PTPRT: variants seen among roughly 807,000 people sequenced by gnomAD.
PTPRT encodes the protein protein tyrosine phosphatase receptor type T, also known as receptor-type tyrosine-protein phosphatase T.
In PTPRT, 56 loss-of-function variants were observed where a neutral mutation model predicts 176.8. The observed-to-expected ratio is 0.32, with a 90% CI of 0.26 to 0.40. The LOEUF (loss-of-function observed/expected upper bound fraction) is 0.40. PTPRT is among the 10% of genes least tolerant of loss of function. The probability of loss-of-function intolerance (pLI) is 1.00; values close to 1 mark genes in which losing one functional copy is unlikely to be tolerated. For synonymous variants in PTPRT, 783 were observed against 739.0 expected (o/e 1.06, Z -0.96); for missense variants, 1,540 against 1,908.2 (o/e 0.81, Z 3.60).
At chr20:42,346,062 CTCCAGCAAGCAT>C (rs2058190632) in intron 11 of PTPRT, among the ~76,000 whole-genome samples, 1 of 152,178 alleles carries the variant, frequency 6.6e-6, no homozygotes. Context: ...GCAGCAAGCA[CTCCAGCAAGCAT>C]ATCCTGGCGG....
chr20:42,820,881 A>C (rs142717972), intron 2 of PTPRT, among the ~76,000 whole-genome samples: 47 of 152,332 alleles, frequency 3.1e-4, no homozygotes, highest in Middle Eastern at 3.4e-3. Flanking sequence ...CAAAACCCTG[A>C]ATGGACCAAT....
At chr20:42,976,396 A>C (rs1348767195) in intron 1 of PTPRT, among the ~76,000 whole-genome samples, 1 of 151,366 alleles carries the variant, frequency 6.6e-6, no homozygotes, top group East Asian at 1.9e-4. Context: ...TATAGTATGC[A>C]TTTTTTATTT....
chr20:42,193,223 A>G (rs1991067195), intron 16 of PTPRT, among the ~76,000 whole-genome samples: 1 of 152,250 alleles, frequency 6.6e-6, no homozygotes, highest in Non-Finnish European at 1.5e-5. Flanking sequence ...ATACAGGGTT[A>G]CTGAGAGAAT....
chr20:42,040,222 A>G, the PTPRT span, among the ~76,000 whole-genome samples: 2 of 152,198 alleles, frequency 1.3e-5, no homozygotes, highest in Non-Finnish European at 2.9e-5. Flanking sequence ...GGATGATGCC[A>G]CAGAGTTGCC....
chr20:42,224,838 G>T (rs2055969003), intron 15 of PTPRT, among the ~76,000 whole-genome samples: 1 of 152,080 alleles, frequency 6.6e-6, no homozygotes, highest in Admixed American at 6.6e-5. Context: ...GAATATGGTG[G>T]CCTCTCTCGA....
chr20:42,822,908 G>C (rs182810562), intron 2 of PTPRT, among the ~76,000 whole-genome samples: 3 of 152,212 alleles, frequency 2.0e-5, no homozygotes, highest in South Asian at 4.1e-4. Context: ...ATGCTAGTGA[G>C]ACTGTGGAGA....
intron 30 of PTPRT, 142 bp from the exon 31 acceptor site, chr20:42,081,074 T>G: frequency 1.6e-6 from 1 of 640,370 alleles, no homozygotes. Context: ...AACTCAAAAT[T>G]ACCCATATCT....
intron 1 of PTPRT, among the ~76,000 whole-genome samples, chr20:43,082,391 TTAAG>T (rs984419922): frequency 1.3e-5 from 2 of 152,374 alleles, no homozygotes; most frequent in South Asian, 2.1e-4. Flanking sequence ...TGCCCTTAGC[TTAAG>T]TAAGGCCTAT....
At chr20:42,657,426 C>T (rs2075144533) in intron 7 of PTPRT, among the ~76,000 whole-genome samples, 1 of 152,162 alleles carries the variant, frequency 6.6e-6, no homozygotes, top group Non-Finnish European at 1.5e-5. Context: ...TTTCCTCCTG[C>T]TTTTAGTTGT....
At chr20:42,649,214 G>T (rs1224046176) in intron 7 of PTPRT, among the ~76,000 whole-genome samples, 1 of 152,060 alleles carries the variant, frequency 6.6e-6, no homozygotes, top group East Asian at 1.9e-4. Context: ...ATCTTACATG[G>T]ATGGCGACAG....
chr20:42,062,595 A>AT, the PTPRT span, among the ~76,000 whole-genome samples: 1 of 151,830 alleles, frequency 6.6e-6, no homozygotes, highest in African/African-American at 2.4e-5. Flanking sequence ...GCCTCTGGGG[A>AT]TTTTTTTTCC....
intron 22 of PTPRT, among the ~76,000 whole-genome samples, chr20:42,114,603 C>T (rs903202400): frequency 6.6e-6 from 1 of 152,156 alleles, no homozygotes; most frequent in Non-Finnish European, 1.5e-5. Flanking sequence ...CTGTCCTGTG[C>T]ATTGTGGAAT....
intron 2 of PTPRT, among the ~76,000 whole-genome samples, chr20:42,846,845 T>G (rs1378905139): frequency 1.3e-5 from 2 of 152,146 alleles, no homozygotes; most frequent in Non-Finnish European, 2.9e-5. Context: ...TTCCTGTGTC[T>G]TAGGTCTCCC....
chr20:42,365,237 C>T (rs527536054), intron 9 of PTPRT, among the ~76,000 whole-genome samples: 1 of 152,180 alleles, frequency 6.6e-6, no homozygotes, highest in African/African-American at 2.4e-5. Context: ...CGGCTAGCCA[C>T]ATTTTGAGTG....
intron 5 of PTPRT, among the ~76,000 whole-genome samples, chr20:42,763,329 G>C (rs1394479023): frequency 6.6e-6 from 1 of 152,196 alleles, no homozygotes; most frequent in African/African-American, 2.4e-5. Context: ...AGTGGAAACA[G>C]TACTGTCTTT....
chr20:42,499,363 C>G (rs1159993154), intron 7 of PTPRT, among the ~76,000 whole-genome samples: 1 of 151,512 alleles, frequency 6.6e-6, no homozygotes, highest in Non-Finnish European at 1.5e-5. Flanking sequence ...ACAATCTCAG[C>G]TCACTGCACC....
chr20:43,143,149 T>G (rs2014069236), intron 1 of PTPRT, among the ~76,000 whole-genome samples: 1 of 151,936 alleles, frequency 6.6e-6, no homozygotes, highest in South Asian at 2.1e-4. Flanking sequence ...TGTTCAGGGG[T>G]GGTGATCAGA....
intron 7 of PTPRT, among the ~76,000 whole-genome samples, chr20:42,548,965 C>T (rs577980650): frequency 6.6e-6 from 1 of 152,232 alleles, no homozygotes; most frequent in East Asian, 1.9e-4. Flanking sequence ...TAGTGCTACT[C>T]CAGGGCAGAG....
chr20:42,455,179 GAAAT>G (rs1159995715), intron 8 of PTPRT, among the ~76,000 whole-genome samples: 1 of 152,132 alleles, frequency 6.6e-6, no homozygotes. Flanking sequence ...AAGTAAAAGT[GAAAT>G]TGAAAAAGCA....
Sources: gnomAD v4.1 joint callset for allele counts (sites outside exome capture counted in the v4.1 genomes callset) on GRCh38, gnomAD v4.1.1 for gene constraint, MANE v1.5 for transcripts, NCBI Gene and HGNC (gene_info 2026-07-23, HGNC 2026-07-21) for gene names.